Variants in OSBPL9 observed in about 807,000 individuals in gnomAD.
OSBPL9 encodes the protein oxysterol-binding protein-related protein 9.
OSBPL9 carries 40 observed loss-of-function variants against 106.6 expected under a neutral mutation model. The ratio of observed to expected loss-of-function variants is 0.38; its 90% CI spans 0.29 to 0.49. The LOEUF is 0.49. Among genes scored for constraint, OSBPL9 ranks in the 20% least tolerant of loss-of-function variants. The pLI is 0.97. For missense variants in OSBPL9, 609 were observed against 887.2 expected, an observed-to-expected ratio of 0.69 and a Z score of 3.98; for synonymous variants, 269 against 295.4, an observed-to-expected ratio of 0.91 and a Z score of 0.92.
chr1:51,596,973 GA>G (rs1421127001), intron 1 of OSBPL9, among the ~76,000 whole-genome samples: 3 of 152,182 alleles, frequency 2.0e-5, no homozygotes, highest in Non-Finnish European at 4.4e-5. Context: ...GAGAGATGGA[GA>G]AAGCTTTCAT....
At chr1:51,650,390 T>A (rs1041147681) in intron 1 of OSBPL9, among the ~76,000 whole-genome samples, 1 of 152,204 alleles carries the variant, frequency 6.6e-6, no homozygotes, top group Non-Finnish European at 1.5e-5. Context: ...TTTTTGTGTA[T>A]TTCCTTTACA....
At chr1:51,713,922 A>C in intron 3 of OSBPL9, 81 bp from the exon 4 acceptor site, 1 of 1,111,934 alleles carries the variant, frequency 9.0e-7, no homozygotes, top group South Asian at 1.6e-5. Context: ...TAGCCATCAT[A>C]GTTTTAAAAT....
chr1:51,739,439 A>G (rs1014850134), intron 4 of OSBPL9, among the ~76,000 whole-genome samples: 1 of 152,006 alleles, frequency 6.6e-6, no homozygotes, highest in African/African-American at 2.4e-5. Context: ...AGCATTACAG[A>G]AAAAGACCTT....
chr1:51,539,207 T>C, the OSBPL9 span, among the ~76,000 whole-genome samples: 1 of 152,216 alleles, frequency 6.6e-6, no homozygotes, highest in Non-Finnish European at 1.5e-5. Flanking sequence ...GAACTCCTAA[T>C]TTCCCTGCCA....
intron 1 of OSBPL9, among the ~76,000 whole-genome samples, chr1:51,636,990 T>C (rs1165988171): frequency 6.6e-6 from 1 of 152,120 alleles, no homozygotes; most frequent in Admixed American, 6.5e-5. Flanking sequence ...CTCCTCTGAA[T>C]TCAGAAAGAT....
chr1:51,738,613 T>A (rs1246860823), intron 4 of OSBPL9, among the ~76,000 whole-genome samples: 1 of 152,074 alleles, frequency 6.6e-6, no homozygotes, highest in East Asian at 1.9e-4. Context: ...CATACTGTGT[T>A]TTACCACTTG....
intron 3 of OSBPL9, among the ~76,000 whole-genome samples, chr1:51,702,548 T>G (rs1657522026): frequency 6.6e-6 from 1 of 152,216 alleles, no homozygotes; most frequent in African/African-American, 2.4e-5. Flanking sequence ...ATATTAGCCC[T>G]TTGTCAGATG....
intron 4 of OSBPL9, among the ~76,000 whole-genome samples, chr1:51,716,820 T>G (rs1442114878): frequency 1.3e-5 from 2 of 152,172 alleles, no homozygotes; most frequent in East Asian, 3.8e-4. Flanking sequence ...AACCTACCTT[T>G]AAAACATATC....
rs1678096120 is a variant in OSBPL9, at chr1:51,787,887, T to G, written c.*98T>G. 7.3e-6 allele frequency: 8 copies of G among 1,095,656 alleles called. No individual in the cohort carries two copies. In the South Asian group the frequency reaches 7.9e-5, roughly 11 times the overall value. The allele number at this position is 1,095,656 out of a possible 1,614,324, so 67.9% of individuals were successfully genotyped here. On this transcript the variant is annotated 3_prime_UTR_variant, in exon 24 of 24. Transcript: ENST00000428468. ...GGGAGAAACCTGTTCATTCCAATCT[T>G]CTAATTACAGTGGTTCCTATCTCAG...
In OSBPL9 at chr1:51,783,908, T is replaced by C. The variant is rs1230046633; in HGVS notation, c.1514-7T>C. ...ATATAATCTACTAATTGAAAATTTC[T>C]ATTCAGTTTCAGCCTTTTATGCTGA... is the stretch of plus-strand genomic sequence containing the variant. On this transcript the variant is annotated splice_polypyrimidine_tract_variant and splice_region_variant and intron_variant, in intron 17 of 23. Transcript: ENST00000428468. The C allele has an allele frequency of 7.5e-6, 12 of 1,595,344 alleles. No homozygotes were observed. Among genetic ancestry groups the C allele is most frequent in the South Asian group, 1.1e-5 (1 of 90,714 alleles).
intron 3 of OSBPL9, among the ~76,000 whole-genome samples, chr1:51,698,504 G>A (rs1251474352): frequency 6.6e-6 from 1 of 152,174 alleles, no homozygotes; most frequent in African/African-American, 2.4e-5. Flanking sequence ...GTGTGCATAT[G>A]TATGTATGAA....
At chr1:51,572,685 C>T (rs182585586), upstream of OSBPL9, among the ~76,000 whole-genome samples, 11 of 152,278 alleles carry the variant, frequency 7.2e-5, no homozygotes, top group African/African-American at 2.4e-4. Context: ...GGCAAATAAC[C>T]TCTCTGAGGC....
intron 3 of OSBPL9, among the ~76,000 whole-genome samples, chr1:51,678,587 G>T (rs1207648173): frequency 6.6e-6 from 1 of 152,034 alleles, no homozygotes; most frequent in Non-Finnish European, 1.5e-5. Flanking sequence ...TTTGAACCTG[G>T]GAGGCAGAGG....
intron 3 of OSBPL9, among the ~76,000 whole-genome samples, chr1:51,697,677 G>T (rs1259884600): frequency 6.6e-6 from 1 of 151,200 alleles, no homozygotes; most frequent in South Asian, 2.1e-4. Flanking sequence ...TGTGAGTTAC[G>T]CTGGAAGAGT....
chr1:51,596,560 CA>C (rs1181151999), intron 1 of OSBPL9, among the ~76,000 whole-genome samples: 731 of 28,804 alleles, frequency 0.025, 2 homozygotes, highest in Middle Eastern at 0.059. Flanking sequence ...ACTCTTGTCG[CA>C]AAAAAAAAAA....
In OSBPL9 at chr1:51,765,867, A is replaced by G. The variant is rs370772406; in HGVS notation, c.824A>G (p.His275Arg). The G allele has an allele frequency of 1.9e-6, 3 of 1,614,002 alleles. No homozygotes were observed. In the African/African-American group the frequency reaches 4.0e-5, roughly 22 times the overall value. Reference sequence around the variant, plus strand: ...AGTAGCAGTCTCACTTCTCCAAGCCACGTGAACTTGTCTCCAAATACAGTC... The same window carrying G: ...AGTAGCAGTCTCACTTCTCCAAGCCGCGTGAACTTGTCTCCAAATACAGTC... ...PPSSSLTSPSHVNLSPNTVPE... is the reference protein window; with the variant it reads ...PPSSSLTSPSRVNLSPNTVPE... The change falls in exon 12 of 24, where the codon CAC becomes CGC. Residue 275 changes from histidine to arginine, a missense_variant. By Grantham distance (29) the His-to-Arg change is conservative. Around this residue, in one of 5 missense-constraint regions of OSBPL9, gnomAD observed 356 missense variants for 505.8 expected, o/e 0.70. Transcript: ENST00000428468.
At chr1:51,685,805 ACATGTAACAC>A (rs1432228575) in intron 3 of OSBPL9, among the ~76,000 whole-genome samples, 1 of 152,212 alleles carries the variant, frequency 6.6e-6, no homozygotes, top group Non-Finnish European at 1.5e-5. Flanking sequence ...AATGTATTCC[ACATGTAACAC>A]TGATACAGCG....
At chr1:51,563,683 C>T in the OSBPL9 span, 1 of 152,234 alleles carries the variant, frequency 6.6e-6, no homozygotes, top group Admixed American at 6.5e-5. Context: ...AGCCTCCTTC[C>T]AGTTATCTGG....
chr1:51,570,015 C>T, the OSBPL9 span, among the ~76,000 whole-genome samples: 2 of 152,158 alleles, frequency 1.3e-5, no homozygotes, highest in African/African-American at 2.4e-5. Context: ...TTTTAAGCCA[C>T]GTTTGTCTGA....
Sources: gnomAD v4.1 joint callset for allele counts (sites outside exome capture counted in the v4.1 genomes callset) on GRCh38, gnomAD v4.1.1 for gene constraint, gnomAD v4.1.1 regional missense constraint, MANE v1.5 for transcripts, NCBI Gene and HGNC (gene_info 2026-07-23, HGNC 2026-07-21) for gene names.